The following PDE4D variants were observed in gnomAD, a reference collection of about 807,000 sequenced individuals.
The protein encoded by PDE4D is phosphodiesterase 4D.
In PDE4D, 24 loss-of-function variants were observed where a neutral mutation model predicts 87.4. The observed-to-expected ratio is 0.27, with a 90% CI of 0.20 to 0.39. The LOEUF (loss-of-function observed/expected upper bound fraction) is 0.39, where lower values mean the gene tolerates loss of function less well. PDE4D is among the 10% of genes least tolerant of loss of function. The pLI is 1.00. For missense variants in PDE4D, 714 were observed against 1,041.0 expected (o/e 0.69, Z 4.32); for synonymous variants, 384 against 383.2 (o/e 1.00, Z -0.02).
chr5:59,846,868 A>G (rs1035746548), intron 1 of PDE4D, among the ~76,000 whole-genome samples: 1 of 152,032 alleles, frequency 6.6e-6, no homozygotes, highest in Admixed American at 6.6e-5. Flanking sequence ...TTTTCTAGAG[A>G]AACAGAAAAC....
chr5:59,001,410 CT>C (rs1431333241), intron 6 of PDE4D, among the ~76,000 whole-genome samples: 1 of 152,162 alleles, frequency 6.6e-6, no homozygotes. Context: ...CTGTGTCTCT[CT>C]GAGTTTCTAT....
intron 2 of PDE4D, among the ~76,000 whole-genome samples, chr5:60,105,649 C>T (rs1270025670): frequency 6.6e-6 from 1 of 152,198 alleles, no homozygotes; most frequent in East Asian, 1.9e-4. Context: ...GCCCATCAGA[C>T]TAACAGCAGA....
intron 1 of PDE4D, among the ~76,000 whole-genome samples, chr5:60,425,846 AAAC>A (rs1339379915): frequency 6.6e-6 from 1 of 152,202 alleles, no homozygotes. Context: ...AGAAAAAAAC[AAAC>A]AACCCCATCA....
chr5:59,047,459 G>A (rs746221103), intron 5 of PDE4D, among the ~76,000 whole-genome samples: 1 of 152,260 alleles, frequency 6.6e-6, no homozygotes, highest in Non-Finnish European at 1.5e-5. Context: ...TTCTTCTAAA[G>A]AGGCCATTAA....
chr5:59,030,351 T>C (rs578082566), intron 6 of PDE4D, among the ~76,000 whole-genome samples: 2 of 140,952 alleles, frequency 1.4e-5, no homozygotes, highest in Non-Finnish European at 3.0e-5. Flanking sequence ...AACAAATCGA[T>C]TAAAATTAGA....
Position 59,988,688 on chromosome 5 carries a change from A to G in PDE4D, c.72T>C (p.Asn24=), listed in dbSNP as rs749111048. The G allele has an allele frequency of 1.3e-5, 20 of 1,597,758 alleles. No individual in the cohort carries two copies. In the East Asian group the frequency reaches 1.8e-4, roughly 14 times the overall value. Residue 24 remains asparagine, a synonymous_variant, in exon 3 of 17, where the codon AAT becomes AAC. Coordinates refer to the PDE4D transcript ENST00000502484. ...TTCCGCGGAAAGGGTCTTCCTCTTC[A>G]TTACTGGAATGTAGTGTTTCCTCAG... is the stretch of plus-strand genomic sequence containing the variant.
intron 1 of PDE4D, among the ~76,000 whole-genome samples, chr5:60,289,076 G>A (rs12659623): frequency 0.1 from 15,806 of 152,160 alleles, 1,064 homozygotes; most frequent in South Asian, 0.29. Flanking sequence ...TGAGAACACC[G>A]TCACTACGTT....
At chr5:60,455,522 C>T (rs1194383903) in intron 1 of PDE4D, among the ~76,000 whole-genome samples, 1 of 152,138 alleles carries the variant, frequency 6.6e-6, no homozygotes, top group Non-Finnish European at 1.5e-5. Context: ...AGACTCTGAA[C>T]AAGCAACAAG....
intron 1 of PDE4D, among the ~76,000 whole-genome samples, chr5:59,767,640 A>G (rs1762967605): frequency 6.6e-6 from 1 of 152,238 alleles, no homozygotes. Flanking sequence ...CAAAGAACAC[A>G]ACAATACTAC....
intron 2 of PDE4D, among the ~76,000 whole-genome samples, chr5:60,060,662 A>G (rs1187323283): frequency 2.6e-5 from 4 of 151,950 alleles, no homozygotes. Context: ...GTGAACCACC[A>G]TCTCCTCTTG....
intron 2 of PDE4D, 49 bp downstream of exon 2, chr5:59,215,728 G>T (rs1362669707): frequency 1.4e-6 from 2 of 1,477,610 alleles, no homozygotes; most frequent in African/African-American, 2.8e-5. Flanking sequence ...ATCAGCTCTA[G>T]ATATAAATTT....
intron 1 of PDE4D, among the ~76,000 whole-genome samples, chr5:59,751,574 GGTGTGTGT>G (rs57407769): frequency 0.016 from 2,335 of 142,736 alleles, 50 homozygotes; most frequent in African/African-American, 0.046. Flanking sequence ...ATAAATCCCT[GGTGTGTGT>G]GTGTGTGTGT....
At chr5:60,304,914 A>G (rs1442639778) in intron 1 of PDE4D, among the ~76,000 whole-genome samples, 2 of 152,078 alleles carry the variant, frequency 1.3e-5, no homozygotes, top group African/African-American at 4.8e-5. Context: ...TTTCAACACC[A>G]TTGTAATAGA....
chr5:59,330,335 A>G (rs1776487206), intron 1 of PDE4D, among the ~76,000 whole-genome samples: 1 of 152,190 alleles, frequency 6.6e-6, no homozygotes, highest in Non-Finnish European at 1.5e-5. Context: ...TAAGGTAACT[A>G]TGATCCTTTC....
At chr5:60,393,137 T>C (rs1762664286) in intron 1 of PDE4D, among the ~76,000 whole-genome samples, 1 of 152,204 alleles carries the variant, frequency 6.6e-6, no homozygotes. Flanking sequence ...CCACCAGATA[T>C]GTTCAAATAA....
chr5:59,685,035 G>A (rs1471934908), intron 1 of PDE4D, among the ~76,000 whole-genome samples: 1 of 152,180 alleles, frequency 6.6e-6, no homozygotes, highest in Admixed American at 6.5e-5. Flanking sequence ...CTTCTTGCAA[G>A]ACTCAGACTA....
chr5:59,619,325 G>A (rs1332212645), intron 1 of PDE4D, among the ~76,000 whole-genome samples: 1 of 152,102 alleles, frequency 6.6e-6, no homozygotes, highest in Non-Finnish European at 1.5e-5. Context: ...ATCTTGTGCA[G>A]ACATATCTAA....
chr5:59,090,217 AAAAC>A lies in PDE4D; in HGVS notation c.809-51250_809-51247del, dbSNP rs199698824. Among the ~76,000 whole-genome samples the A allele has an allele frequency of 7.2e-3, 1,101 of 152,308 alleles. 15 individuals carry two copies. The highest frequency in any genetic ancestry group is 0.024 in the African/African-American group (985 of 41,586). On this transcript the variant is annotated intron_variant, in intron 5 of 14. Coordinates refer to ENST00000340635, the MANE Select transcript of PDE4D (RefSeq NM_001104631.2). Reference sequence around the variant, plus strand: ...AAGTTTCATCATATCTTTCTTTTGAAAAACAAACAAACACTTCATGTTCTAGCCA... The same window carrying A: ...AAGTTTCATCATATCTTTCTTTTGAAAAACAAACACTTCATGTTCTAGCCA...
At chr5:59,569,333 T>C (rs190889671) in intron 1 of PDE4D, among the ~76,000 whole-genome samples, 1 of 152,202 alleles carries the variant, frequency 6.6e-6, no homozygotes, top group Non-Finnish European at 1.5e-5. Context: ...AGGAAACAAT[T>C]TACAGGAGGT....
Sources: allele counts gnomAD v4.1 joint callset (sites outside exome capture counted in the v4.1 genomes callset), GRCh38; gene constraint gnomAD v4.1.1; transcripts MANE v1.5; gene names NCBI Gene and HGNC (gene_info 2026-07-23, HGNC 2026-07-21).